RASSF3: variants seen among roughly 807,000 people sequenced by gnomAD.
RASSF3 encodes the protein Ras association domain family member 3.
Under a neutral mutation model 19.9 loss-of-function variants are expected in RASSF3, and 19 were observed. That is an observed-to-expected ratio of 0.96 (90% confidence interval 0.67 to 1.40). The LOEUF (loss-of-function observed/expected upper bound fraction) is 1.40. Ranked by LOEUF, RASSF3 falls within the 40% of genes most tolerant of loss-of-function variation. RASSF3 has a pLI of 0.00. For missense variants in RASSF3, 306 were observed against 289.8 expected (o/e 1.06, Z -0.41); for synonymous variants, 110 against 104.2 (o/e 1.06, Z -0.34).
intron 1 of RASSF3, among the ~76,000 whole-genome samples, chr12:64,680,214 G>A (rs1592466049): frequency 6.6e-6 from 1 of 152,112 alleles, no homozygotes; most frequent in Non-Finnish European, 1.5e-5. Context: ...CTTTTTTAAA[G>A]GGGTAAACAA....
At chr12:64,673,845 G>T (rs1221306398) in intron 1 of RASSF3, among the ~76,000 whole-genome samples, 2 of 151,676 alleles carry the variant, frequency 1.3e-5, no homozygotes, top group African/African-American at 4.8e-5. Flanking sequence ...ATGCCTTGAG[G>T]TGGGGACCTC....
At chr12:64,543,424 T>TGC (rs1868979593), downstream of RASSF3, among the ~76,000 whole-genome samples, 1 of 22,354 alleles carries the variant, frequency 4.5e-5, no homozygotes, top group African/African-American at 1.1e-4. Flanking sequence ...GCCCCCCGGC[T>TGC]CCCCGCCCGC....
intron 1 of RASSF3, among the ~76,000 whole-genome samples, chr12:64,675,125 C>G (rs1257484474): frequency 7.6e-6 from 1 of 131,538 alleles, no homozygotes; most frequent in Non-Finnish European, 1.5e-5. Flanking sequence ...GTTTCAAGTT[C>G]AACAGATGGG....
intron 1 of RASSF3, among the ~76,000 whole-genome samples, chr12:64,671,478 TGTAA>T (rs1872700996): frequency 6.6e-6 from 1 of 152,198 alleles, no homozygotes; most frequent in Non-Finnish European, 1.5e-5. Context: ...CTTTTGATGA[TGTAA>T]GTGTTTCACA....
chr12:64,650,800 G>T (rs956988600), intron 1 of RASSF3, among the ~76,000 whole-genome samples: 1 of 152,170 alleles, frequency 6.6e-6, no homozygotes, highest in African/African-American at 2.4e-5. Flanking sequence ...AAAGGGAATT[G>T]CTGTCTTAGA....
chr12:64,565,689 G>A (rs1869417662), intron 2 of RASSF3, among the ~76,000 whole-genome samples: 1 of 152,050 alleles, frequency 6.6e-6, no homozygotes. Flanking sequence ...CTCCAGCCTG[G>A]GGGACAAGAG....
At chr12:64,521,463 C>A (rs1868477796) in intron 1 of RASSF3, among the ~76,000 whole-genome samples, 1 of 152,204 alleles carries the variant, frequency 6.6e-6, no homozygotes, top group African/African-American at 2.4e-5. Context: ...AAGACATCAA[C>A]TCTAAAAGTA....
rs1179122432 is a variant in RASSF3 at position 64,685,921 on chromosome 12, GTC to G, written c.219+1032_219+1033del. Among the ~76,000 whole-genome samples, 9 of 152,244 alleles carry G rather than the reference GTC, an allele frequency of 5.9e-5. No homozygotes were observed. The East Asian group carries it at 1.7e-3, about 29-fold the overall frequency. On this transcript the variant is annotated intron_variant, in intron 2 of 4. Coordinates refer to ENST00000542104, the MANE Select transcript of RASSF3 (RefSeq NM_178169.4). ...CAGTTTCCAGGGCACTTGGATCCCC[GTC>G]TCTCAGTCTGTTTACTGTGAACTGA...
intron 1 of RASSF3, among the ~76,000 whole-genome samples, chr12:64,633,046 A>T (rs1871216534): frequency 1.3e-5 from 2 of 152,222 alleles, no homozygotes; most frequent in South Asian, 4.1e-4. Context: ...AAATGCTGTT[A>T]TCTTGATCTG....
chr12:64,508,574 T>C (rs1263306678), intron 1 of RASSF3, among the ~76,000 whole-genome samples: 4 of 150,458 alleles, frequency 2.7e-5, no homozygotes, highest in African/African-American at 9.8e-5. Flanking sequence ...GGCAGGTATA[T>C]GATTAAGACA....
chr12:64,594,897 A>G (rs549228960), intron 2 of RASSF3, among the ~76,000 whole-genome samples: 2 of 151,968 alleles, frequency 1.3e-5, no homozygotes, highest in African/African-American at 4.8e-5. Context: ...ATAGGCAGGT[A>G]CCACCGTGTT....
chr12:64,667,139 C>T (rs1872557645), intron 1 of RASSF3, among the ~76,000 whole-genome samples: 1 of 152,070 alleles, frequency 6.6e-6, no homozygotes, highest in African/African-American at 2.4e-5. Flanking sequence ...CCAGAGTTTT[C>T]CTCTGCATTG....
chr12:64,620,698 G>A (rs1870724365), intron 1 of RASSF3, among the ~76,000 whole-genome samples: 1 of 152,056 alleles, frequency 6.6e-6, no homozygotes, highest in African/African-American at 2.4e-5. Context: ...AATACCTTGA[G>A]CATGAAACCT....
intron 2 of RASSF3, among the ~76,000 whole-genome samples, chr12:64,603,460 C>T (rs1870131122): frequency 6.6e-6 from 1 of 152,178 alleles, no homozygotes; most frequent in South Asian, 2.1e-4. Context: ...CAAAATATTT[C>T]AGCTCATTAG....
intron 1 of RASSF3, among the ~76,000 whole-genome samples, chr12:64,651,748 G>A (rs768984446): frequency 1.7e-4 from 26 of 151,974 alleles, no homozygotes; most frequent in Admixed American, 1.4e-3. Flanking sequence ...CTGCAACCTC[G>A]ACTTCCCAGG....
intron 1 of RASSF3, among the ~76,000 whole-genome samples, chr12:64,520,551 CACACATATAT>C (rs1253420051): frequency 2.8e-4 from 34 of 120,100 alleles, no homozygotes; most frequent in African/African-American, 9.2e-4. Flanking sequence ...TACACACATA[CACACATATAT>C]ATATATATAT....
chr12:64,548,720 AC>A (rs1869110394), intron 2 of RASSF3, among the ~76,000 whole-genome samples: 2 of 152,216 alleles, frequency 1.3e-5, no homozygotes, highest in Admixed American at 6.5e-5. Flanking sequence ...AACTTAGCTC[AC>A]TATAAATTCA....
intron 2 of RASSF3, among the ~76,000 whole-genome samples, chr12:64,555,478 G>A (rs545526261): frequency 1.4e-4 from 21 of 152,296 alleles, no homozygotes; most frequent in South Asian, 4.1e-4. Context: ...GGCCGGGCAC[G>A]GTGGCTCACG....
intron 1 of RASSF3, among the ~76,000 whole-genome samples, chr12:64,672,335 C>T (rs1359727843): frequency 1.3e-5 from 2 of 152,148 alleles, no homozygotes; most frequent in Admixed American, 6.5e-5. Context: ...AAGCGATTCT[C>T]CTGCCTCAGC....
Sources: gnomAD v4.1 joint callset for allele counts (sites outside exome capture counted in the v4.1 genomes callset) on GRCh38, gnomAD v4.1.1 for gene constraint, MANE v1.5 for transcripts, NCBI Gene and HGNC (gene_info 2026-07-23, HGNC 2026-07-21) for gene names.